The following PLEKHA7 variants were observed in gnomAD, a reference collection of about 807,000 sequenced individuals.
PLEKHA7 encodes the protein pleckstrin homology domain-containing family A member 7.
A neutral mutation model predicts 170.0 loss-of-function variants in PLEKHA7; 104 were observed. That is an observed-to-expected ratio of 0.61 (90% CI 0.52 to 0.72). The LOEUF is 0.72. PLEKHA7 is among the 30% of genes least tolerant of loss of function. The probability of loss-of-function intolerance (pLI) is 0.00; values close to 1 mark genes in which losing one functional copy is unlikely to be tolerated. For missense variants in PLEKHA7, 1,615 were observed against 1,671.7 expected, an observed-to-expected ratio of 0.97 and a Z score of 0.59; for synonymous variants, 648 against 660.8, an observed-to-expected ratio of 0.98 and a Z score of 0.30.
intron 26 of PLEKHA7, chr11:16,781,147 G>T: frequency 5.4e-6 from 2 of 367,526 alleles, no homozygotes; most frequent in Non-Finnish European, 3.8e-6. Flanking sequence ...GGTGGCATGG[G>T]CCCTGCTGCC....
intron 3 of PLEKHA7, among the ~76,000 whole-genome samples, chr11:16,908,715 CA>C (rs1858038555): frequency 6.6e-6 from 1 of 152,174 alleles, no homozygotes; most frequent in Admixed American, 6.5e-5. Context: ...AGAATGGTCT[CA>C]AACTCCTGAC....
At chr11:16,932,427 G>A (rs1452457150) in intron 3 of PLEKHA7, among the ~76,000 whole-genome samples, 2 of 152,080 alleles carry the variant, frequency 1.3e-5, no homozygotes, top group Non-Finnish European at 2.9e-5. Flanking sequence ...GACTACAGGT[G>A]CACACCACCT....
intron 3 of PLEKHA7, among the ~76,000 whole-genome samples, chr11:17,013,728 G>A (rs1865467767): frequency 6.6e-6 from 1 of 152,198 alleles, no homozygotes; most frequent in African/African-American, 2.4e-5. Flanking sequence ...GAATCCAGCC[G>A]GATTGCAAGG....
At chr11:16,968,842 C>A (rs6486331) in intron 3 of PLEKHA7, among the ~76,000 whole-genome samples, 1 of 152,020 alleles carries the variant, frequency 6.6e-6, no homozygotes, top group Middle Eastern at 3.4e-3. Context: ...CTCAGGAACA[C>A]GCTAGTACCT....
At chr11:16,887,259 C>A (rs1377509418) in intron 3 of PLEKHA7, among the ~76,000 whole-genome samples, 1 of 151,892 alleles carries the variant, frequency 6.6e-6, no homozygotes, top group Admixed American at 6.6e-5. Flanking sequence ...CCAGCATGGG[C>A]AATATGGCAA....
intron 3 of PLEKHA7, among the ~76,000 whole-genome samples, chr11:16,912,687 C>T (rs1030360530): frequency 1.3e-5 from 2 of 152,162 alleles, no homozygotes; most frequent in African/African-American, 4.8e-5. Flanking sequence ...AAGGCAGGAT[C>T]TCCAGGTGCT....
At chr11:17,000,397 A>C (rs1179483346) in intron 3 of PLEKHA7, among the ~76,000 whole-genome samples, 1 of 152,150 alleles carries the variant, frequency 6.6e-6, no homozygotes, top group Non-Finnish European at 1.5e-5. Context: ...CTCCTCAAGA[A>C]ACCTGTTCAT....
intron 3 of PLEKHA7, among the ~76,000 whole-genome samples, chr11:16,949,129 C>T (rs1861244341): frequency 6.6e-6 from 1 of 151,996 alleles, no homozygotes; most frequent in Non-Finnish European, 1.5e-5. Context: ...TCTCTTTACC[C>T]CCTCCCCATC....
chr11:16,826,147 G>T lies in PLEKHA7; in HGVS notation c.1316C>A (p.Ala439Glu). 1 of 1,614,156 alleles carries T rather than the reference G, an allele frequency of 6.2e-7. No individual in the cohort carries two copies. The highest frequency in any genetic ancestry group is 8.5e-7 in the Non-Finnish European group (1 of 1,180,020). Residue 439 changes from alanine (A) to glutamate (E), a missense_variant, in exon 10 of 27, where the codon GCA becomes GAA. Physicochemically the swap from Ala to Glu is moderately radical, Grantham distance 107. Transcript: ENST00000531066. ...KSNLAQVEHW[A>E]RAQKGDSRSL... Reference sequence around the variant, plus strand: ...CCTGCTATCCCCTTTCTGGGCCCTTGCCCAGTGCTCCACCTGGGCCAGATT... The same window carrying T: ...CCTGCTATCCCCTTTCTGGGCCCTTTCCCAGTGCTCCACCTGGGCCAGATT...
intron 9 of PLEKHA7, among the ~76,000 whole-genome samples, chr11:16,831,983 C>T (rs915762915): frequency 6.6e-6 from 1 of 152,160 alleles, no homozygotes; most frequent in African/African-American, 2.4e-5. Flanking sequence ...ATAGCTTTGG[C>T]CAATAAGATA....
chr11:17,001,540 A>G (rs1172113643), intron 3 of PLEKHA7, among the ~76,000 whole-genome samples: 1 of 152,152 alleles, frequency 6.6e-6, no homozygotes, highest in African/African-American at 2.4e-5. Flanking sequence ...GAGAGAACAC[A>G]GGAAGCTGTG....
chr11:17,007,301 T>G (rs548062220), intron 3 of PLEKHA7, among the ~76,000 whole-genome samples: 9 of 152,312 alleles, frequency 5.9e-5, no homozygotes, highest in Admixed American at 3.3e-4. Context: ...TTTTTCTTTA[T>G]GTAGAATTAC....
chr11:16,809,265 A>C (rs555832878), intron 13 of PLEKHA7, among the ~76,000 whole-genome samples: 8 of 152,342 alleles, frequency 5.3e-5, no homozygotes, highest in African/African-American at 1.7e-4. Flanking sequence ...ACGTGGGCCC[A>C]CAAGCACCCC....
At chr11:16,935,151 G>C (rs1252219693) in intron 3 of PLEKHA7, among the ~76,000 whole-genome samples, 1 of 152,230 alleles carries the variant, frequency 6.6e-6, no homozygotes, top group Admixed American at 6.5e-5. Flanking sequence ...TATCGAATGT[G>C]AGGCTGGGCA....
intron 3 of PLEKHA7, among the ~76,000 whole-genome samples, chr11:16,915,036 C>T (rs745341620): frequency 1.1e-4 from 17 of 152,194 alleles, no homozygotes; most frequent in Admixed American, 4.6e-4. Flanking sequence ...TTTCTATCTC[C>T]ACCACTACCC....
chr11:16,802,494 G>A (rs917396025), intron 15 of PLEKHA7, among the ~76,000 whole-genome samples: 3 of 152,162 alleles, frequency 2.0e-5, no homozygotes, highest in Non-Finnish European at 2.9e-5. Context: ...AATGGGGGCA[G>A]GAGGGTCTCT....
At chr11:16,786,813 C>A (rs1849428987) in intron 23 of PLEKHA7, 1 of 985,218 alleles carries the variant, frequency 1.0e-6, no homozygotes, top group Non-Finnish European at 1.2e-6. Context: ...CAAGGCCCTG[C>A]TAAGCAAGAA....
At chr11:16,829,373 T>A (rs944622821) in intron 9 of PLEKHA7, among the ~76,000 whole-genome samples, 2 of 152,106 alleles carry the variant, frequency 1.3e-5, no homozygotes, top group African/African-American at 2.4e-5. Context: ...CTGAAAGGGG[T>A]CCTGCCTATT....
At chr11:16,796,242 G>A (rs868558673) in intron 17 of PLEKHA7, among the ~76,000 whole-genome samples, 1 of 152,244 alleles carries the variant, frequency 6.6e-6, no homozygotes, top group South Asian at 2.1e-4. Context: ...ACCATCTCTA[G>A]GATATAAAAA....
Sources: allele counts gnomAD v4.1 joint callset (sites outside exome capture counted in the v4.1 genomes callset), GRCh38; gene constraint gnomAD v4.1.1; transcripts MANE v1.5; gene names NCBI Gene and HGNC (gene_info 2026-07-23, HGNC 2026-07-21).